The following KCNH1 variants were observed in gnomAD, a reference collection of about 807,000 sequenced individuals.
The protein encoded by KCNH1 is potassium voltage-gated channel subfamily H member 1.
Under a neutral mutation model 69.2 loss-of-function variants are expected in KCNH1, and 27 were observed. The observed-to-expected ratio is 0.39, with a 90% CI of 0.29 to 0.54. KCNH1 has a LOEUF of 0.54. Ranked by LOEUF, KCNH1 falls within the 20% of genes least tolerant of loss-of-function variation. KCNH1 has a pLI of 0.68. For missense variants in KCNH1, 798 were observed against 1,261.6 expected (o/e 0.63, Z 5.57); for synonymous variants, 456 against 487.7 (o/e 0.93, Z 0.86).
intron 7 of KCNH1, among the ~76,000 whole-genome samples, chr1:210,898,048 C>A (rs1454498310): frequency 7.2e-5 from 11 of 152,134 alleles, no homozygotes. Flanking sequence ...CTAAACAATT[C>A]TAAGGCACTA....
chr1:210,886,583 T>G (rs1247656787), intron 7 of KCNH1, among the ~76,000 whole-genome samples: 1 of 151,874 alleles, frequency 6.6e-6, no homozygotes, highest in Admixed American at 6.6e-5. Context: ...AGAAGGTGTG[T>G]AATAACAAAC....
chr1:210,779,322 T>C (rs1336459938), intron 9 of KCNH1, among the ~76,000 whole-genome samples: 1 of 152,186 alleles, frequency 6.6e-6, no homozygotes, highest in Non-Finnish European at 1.5e-5. Context: ...GAACGTAATA[T>C]CAGAGGACCT....
intron 7 of KCNH1, among the ~76,000 whole-genome samples, chr1:210,837,006 C>T (rs763608998): frequency 5.3e-5 from 8 of 152,276 alleles, no homozygotes; most frequent in East Asian, 1.9e-4. Flanking sequence ...CCCAACCAAA[C>T]GCAGAAGTCA....
chr1:210,966,273 CA>C (rs1688398170), intron 6 of KCNH1, among the ~76,000 whole-genome samples: 1 of 152,006 alleles, frequency 6.6e-6, no homozygotes, highest in Non-Finnish European at 1.5e-5. Context: ...CCTAAAACCA[CA>C]AAAACCCTAG....
At chr1:210,983,047 T>C (rs1231045912) in intron 6 of KCNH1, among the ~76,000 whole-genome samples, 1 of 152,198 alleles carries the variant, frequency 6.6e-6, no homozygotes, top group Non-Finnish European at 1.5e-5. Flanking sequence ...TTCCCGTGTT[T>C]TTTGGCTGCA....
chr1:210,790,409 G>A (rs1292836283), intron 9 of KCNH1, among the ~76,000 whole-genome samples: 4 of 151,954 alleles, frequency 2.6e-5, no homozygotes, highest in African/African-American at 9.7e-5. Flanking sequence ...CATCAGAATC[G>A]CCTCTCTTGC....
chr1:210,939,404 T>C (rs1687839163), intron 6 of KCNH1, among the ~76,000 whole-genome samples: 1 of 152,176 alleles, frequency 6.6e-6, no homozygotes, highest in Non-Finnish European at 1.5e-5. Flanking sequence ...CACTGAGATG[T>C]TAGCATTTCA....
intron 3 of KCNH1, among the ~76,000 whole-genome samples, chr1:211,093,230 AT>A (rs1280679278): frequency 6.6e-6 from 1 of 152,172 alleles, no homozygotes; most frequent in Non-Finnish European, 1.5e-5. Context: ...AAACCATTTT[AT>A]TAGTCATACT....
At chr1:210,687,392 G>T (rs950891458) in intron 10 of KCNH1, among the ~76,000 whole-genome samples, 6 of 152,328 alleles carry the variant, frequency 3.9e-5, no homozygotes, top group African/African-American at 9.6e-5. Flanking sequence ...CAATGACAGG[G>T]CCTGTTGGTG....
chr1:210,705,666 A>G (rs919231176), intron 10 of KCNH1, among the ~76,000 whole-genome samples: 2 of 152,202 alleles, frequency 1.3e-5, no homozygotes, highest in Non-Finnish European at 2.9e-5. Context: ...GATGGATCTC[A>G]GGGCTTTCAA....
chr1:210,737,541 A>G (rs1311987132), intron 10 of KCNH1, among the ~76,000 whole-genome samples: 3 of 152,164 alleles, frequency 2.0e-5, no homozygotes, highest in East Asian at 1.9e-4. Context: ...ATGGATTTAA[A>G]TACTATCAAT....
intron 5 of KCNH1, among the ~76,000 whole-genome samples, chr1:211,052,238 G>A (rs1371354745): frequency 4.6e-5 from 7 of 152,234 alleles, no homozygotes; most frequent in Non-Finnish European, 1.5e-5. Context: ...TGGCCCCCAT[G>A]TGCACAGGCC....
intron 7 of KCNH1, among the ~76,000 whole-genome samples, chr1:210,887,250 T>C (rs1024454543): frequency 4.6e-5 from 7 of 152,096 alleles, no homozygotes; most frequent in Non-Finnish European, 8.8e-5. Context: ...TCAACACTCT[T>C]AAAGGAAATG....
intron 6 of KCNH1, among the ~76,000 whole-genome samples, chr1:211,004,604 G>A (rs970085819): frequency 6.6e-6 from 1 of 151,922 alleles, no homozygotes; most frequent in African/African-American, 2.4e-5. Flanking sequence ...AAGAGAAAAA[G>A]TGAAACAACT....
At chr1:210,866,865 A>G (rs1329172398) in intron 7 of KCNH1, among the ~76,000 whole-genome samples, 4 of 152,086 alleles carry the variant, frequency 2.6e-5, no homozygotes, top group Non-Finnish European at 4.4e-5. Flanking sequence ...CAGCCCATAT[A>G]CCCATCAACT....
At chr1:211,018,306 T>C (rs1367730744) in intron 6 of KCNH1, among the ~76,000 whole-genome samples, 1 of 152,134 alleles carries the variant, frequency 6.6e-6, no homozygotes, top group Non-Finnish European at 1.5e-5. Context: ...AAATAACTCA[T>C]CTCAAAATTT....
At chr1:211,054,736 A>T (rs954728987) in intron 5 of KCNH1, among the ~76,000 whole-genome samples, 2 of 152,176 alleles carry the variant, frequency 1.3e-5, no homozygotes, top group South Asian at 4.1e-4. Flanking sequence ...TTAAAAATAT[A>T]CAAATGTAAT....
chr1:210,909,734 G>C (rs866073171), intron 7 of KCNH1, among the ~76,000 whole-genome samples: 1 of 152,336 alleles, frequency 6.6e-6, no homozygotes, highest in East Asian at 1.9e-4. Context: ...ACTGGCAGTG[G>C]AGATGACTTT....
rs564520326 is a variant in KCNH1, at chr1:211,100,492, C to G, written c.310+3004G>C. ...TCACCCTCCCGAGTAGCTGGGATTA[C>G]AGGCACCCGCCACCACACCCAGCTA... On this transcript the variant is annotated intron_variant, in intron 3 of 10. Transcript: ENST00000271751. Among the ~76,000 whole-genome samples the G allele has an allele frequency of 3.9e-5, 6 of 152,242 alleles. No homozygotes were observed. In the South Asian group the frequency reaches 1.2e-3, roughly 32 times the overall value.
Sources: allele counts gnomAD v4.1 joint callset (sites outside exome capture counted in the v4.1 genomes callset), GRCh38; gene constraint gnomAD v4.1.1; transcripts MANE v1.5; gene names NCBI Gene and HGNC (gene_info 2026-07-23, HGNC 2026-07-21).